Variants in LARGE1 observed in about 807,000 individuals in gnomAD.
LARGE1 encodes the protein LARGE xylosyl- and glucuronyltransferase 1.
A neutral mutation model predicts 87.6 loss-of-function variants in LARGE1; 43 were observed. The observed-to-expected ratio is 0.49, with a 90% CI of 0.38 to 0.63. LARGE1 has a LOEUF of 0.63. Among genes scored for constraint, LARGE1 ranks in the 30% least tolerant of loss-of-function variants. The pLI is 0.00. For synonymous variants in LARGE1, 434 were observed against 394.6 expected (o/e 1.10, Z -1.18); for missense variants, 802 against 1,000.2 (o/e 0.80, Z 2.67).
chr22:33,654,741 G>A (rs16992724), intron 2 of LARGE1, among the ~76,000 whole-genome samples: 3,112 of 152,236 alleles, frequency 0.02, 112 homozygotes, highest in African/African-American at 0.071. Context: ...CATTACATAC[G>A]ATTTTATGGC....
At chr22:33,846,121 T>C (rs926296030) in intron 1 of LARGE1, among the ~76,000 whole-genome samples, 5 of 152,324 alleles carry the variant, frequency 3.3e-5, no homozygotes, top group South Asian at 2.1e-4. Context: ...TGTGACTTCA[T>C]AGCTAGATCT....
intron 5 of LARGE1, among the ~76,000 whole-genome samples, chr22:33,593,201 T>G (rs2078892136): frequency 6.6e-6 from 1 of 151,496 alleles, no homozygotes. Flanking sequence ...GTTATGAGAC[T>G]GGCTAATTTG....
At chr22:33,567,049 C>A (rs975116246) in intron 5 of LARGE1, among the ~76,000 whole-genome samples, 32 of 152,164 alleles carry the variant, frequency 2.1e-4, no homozygotes, top group African/African-American at 7.2e-4. Flanking sequence ...TAGCCCCACA[C>A]AAAGCATTTG....
chr22:33,072,442 A>G, the LARGE1 span, among the ~76,000 whole-genome samples: 1 of 152,112 alleles, frequency 6.6e-6, no homozygotes, highest in Non-Finnish European at 1.5e-5. Flanking sequence ...AAGGGGAATC[A>G]TTTTCTTAGC....
At chr22:33,264,132 CAGA>C (rs1419480235) in intron 11 of LARGE1, among the ~76,000 whole-genome samples, 13 of 152,200 alleles carry the variant, frequency 8.5e-5, no homozygotes, top group Non-Finnish European at 1.6e-4. Flanking sequence ...TTTACAAACA[CAGA>C]AGATCAACTC....
intron 5 of LARGE1, among the ~76,000 whole-genome samples, chr22:33,594,950 G>A (rs1369818553): frequency 6.6e-6 from 1 of 152,138 alleles, no homozygotes; most frequent in Admixed American, 6.5e-5. Context: ...AAGACTTGTG[G>A]TGCATGAGAT....
At chr22:33,699,347 T>G (rs1288536643) in intron 2 of LARGE1, among the ~76,000 whole-genome samples, 1 of 151,936 alleles carries the variant, frequency 6.6e-6, no homozygotes, top group East Asian at 1.9e-4. Context: ...ATGAAGGGAG[T>G]CATTCTTTTA....
intron 7 of LARGE1, among the ~76,000 whole-genome samples, chr22:33,417,720 A>C (rs745521633): frequency 1.5e-4 from 23 of 152,174 alleles, no homozygotes; most frequent in East Asian, 3.9e-4. Flanking sequence ...AACCACTTCT[A>C]AGCTCATCCA....
At chr22:33,169,609 T>C (rs911347814) in intron 11 of LARGE1, among the ~76,000 whole-genome samples, 2 of 152,126 alleles carry the variant, frequency 1.3e-5, no homozygotes, top group East Asian at 1.9e-4. Flanking sequence ...CCCAGCACTT[T>C]GGGAGGCTGA....
intron 5 of LARGE1, among the ~76,000 whole-genome samples, chr22:33,567,766 C>G (rs1015236505): frequency 6.6e-6 from 1 of 152,148 alleles, no homozygotes; most frequent in Non-Finnish European, 1.5e-5. Context: ...AGCTCTCACC[C>G]TCCCCTCTTT....
At chr22:33,846,212 A>G (rs148298630) in intron 1 of LARGE1, among the ~76,000 whole-genome samples, 118 of 152,338 alleles carry the variant, frequency 7.7e-4, no homozygotes, top group African/African-American at 2.7e-3. Context: ...ATGGCAGAAG[A>G]ATGTGGATTG....
chr22:33,815,162 CTTTTTGTTG>C (rs1286237926), intron 1 of LARGE1, among the ~76,000 whole-genome samples: 3 of 152,170 alleles, frequency 2.0e-5, no homozygotes, highest in African/African-American at 2.4e-5. Flanking sequence ...GTTCTTCTCA[CTTTTTGTTG>C]GGGCGGCACA....
At chr22:33,332,738 G>C (rs1937894505) in intron 10 of LARGE1, among the ~76,000 whole-genome samples, 1 of 152,190 alleles carries the variant, frequency 6.6e-6, no homozygotes, top group Non-Finnish European at 1.5e-5. Flanking sequence ...AGACCAGGTG[G>C]TAAACTCCCT....
chr22:33,387,879 C>T (rs2065383478), intron 7 of LARGE1, among the ~76,000 whole-genome samples: 1 of 152,096 alleles, frequency 6.6e-6, no homozygotes, highest in African/African-American at 2.4e-5. Flanking sequence ...GTTATAATAC[C>T]TTGCCACATT....
intron 6 of LARGE1, among the ~76,000 whole-genome samples, chr22:33,441,071 C>CTTTTTTTTATTTTTTTTTTTTTTTT (rs2067454444): frequency 1.0e-5 from 1 of 98,556 alleles, no homozygotes; most frequent in African/African-American, 4.9e-5. Flanking sequence ...TTTGTTTGAA[C>CTTTTTTTTATTTTTTTTTTTTTTTT]TTTTTTTTTT....
chr22:33,296,405 G>T (rs764689960), intron 12 of LARGE1, among the ~76,000 whole-genome samples: 3 of 152,084 alleles, frequency 2.0e-5, no homozygotes, highest in Non-Finnish European at 2.9e-5. Flanking sequence ...TAGTTCCCTG[G>T]TGTATAGGAT....
intron 11 of LARGE1, among the ~76,000 whole-genome samples, chr22:33,195,674 A>G (rs1924026936): frequency 6.6e-6 from 1 of 152,000 alleles, no homozygotes; most frequent in African/African-American, 2.4e-5. Flanking sequence ...AGCTAAGGCA[A>G]TGCTTAAAGA....
intron 2 of LARGE1, among the ~76,000 whole-genome samples, chr22:33,721,324 C>T (rs771633484): frequency 1.4e-4 from 21 of 152,198 alleles, no homozygotes; most frequent in Non-Finnish European, 2.5e-4. Context: ...GCAATAGTCT[C>T]ATTCATAGAA....
the LARGE1 span, among the ~76,000 whole-genome samples, chr22:33,070,649 T>C: frequency 2.0e-5 from 3 of 152,152 alleles, no homozygotes; most frequent in Non-Finnish European, 4.4e-5. Context: ...CGTGAGAGCA[T>C]AGCACACTAA....
Sources: allele counts gnomAD v4.1 joint callset (sites outside exome capture counted in the v4.1 genomes callset), GRCh38; gene constraint gnomAD v4.1.1; transcripts MANE v1.5; gene names NCBI Gene and HGNC (gene_info 2026-07-23, HGNC 2026-07-21).